The following PLAUR variants were observed in gnomAD, a reference collection of about 807,000 sequenced individuals.
PLAUR encodes the protein plasminogen activator, urokinase receptor.
A neutral mutation model predicts 33.4 loss-of-function variants in PLAUR; 22 were observed. The ratio of observed to expected loss-of-function variants is 0.66; its 90% CI spans 0.47 to 0.94. The LOEUF (loss-of-function observed/expected upper bound fraction) is 0.94, where lower values mean the gene tolerates loss of function less well. PLAUR is among the 40% of genes least tolerant of loss of function. PLAUR has a pLI of 0.00. For missense variants in PLAUR, 408 were observed against 434.7 expected, an observed-to-expected ratio of 0.94 and a Z score of 0.55; for synonymous variants, 148 against 167.3, an observed-to-expected ratio of 0.88 and a Z score of 0.89.
intron 3 of PLAUR, among the ~76,000 whole-genome samples, chr19:43,659,672 G>C (rs1974362015): frequency 6.6e-6 from 1 of 152,144 alleles, no homozygotes; most frequent in South Asian, 2.1e-4. Context: ...TCCCACAACT[G>C]CTCTTTTTCT....
chr19:43,666,114 C>T (rs1362640433), intron 2 of PLAUR, among the ~76,000 whole-genome samples: 2 of 151,170 alleles, frequency 1.3e-5, no homozygotes, highest in African/African-American at 4.9e-5. Context: ...TCTCTGTTGT[C>T]CCAGCTGGGG....
intron 3 of PLAUR, among the ~76,000 whole-genome samples, chr19:43,664,616 G>A (rs1244792411): frequency 6.6e-6 from 1 of 152,314 alleles, no homozygotes; most frequent in East Asian, 1.9e-4. Context: ...AGCCTATTAT[G>A]GACATTTCCT....
chr19:43,665,589 CTCTG>C, intron 2 of PLAUR, 130 bp from the exon 3 acceptor site: 1 of 763,858 alleles, frequency 1.3e-6, no homozygotes, highest in Non-Finnish European at 2.0e-6. Flanking sequence ...TTGAGTCGAA[CTCTG>C]TCTTTTTCTA....
In PLAUR at chr19:43,667,601, G is replaced by C. The variant is rs749759698; in HGVS notation, c.146C>G (p.Thr49Arg). 5.0e-6 allele frequency: 8 copies of C among 1,613,200 alleles called. No homozygotes were observed. Among genetic ancestry groups the C allele is most frequent in the Non-Finnish European group, 5.9e-6 (7 of 1,179,368 alleles). The change falls in exon 2 of 7, where the codon ACG (threonine) becomes AGG (arginine). Residue 49 changes from threonine to arginine, a missense_variant. Transcript: ENST00000340093. ...CALGQDLCRTTIVRLWEEGEE... is the reference protein window; with the variant it reads ...CALGQDLCRTRIVRLWEEGEE... ...CTCACCTTCCCACAAGCGCACGATC[G>C]TGGTCCTGCAGAGGTCCTGTCCCAG...
At chr19:43,650,090 C>A (rs910268741) in intron 6 of PLAUR, among the ~76,000 whole-genome samples, 4 of 150,690 alleles carry the variant, frequency 2.7e-5, no homozygotes, top group Non-Finnish European at 5.9e-5. Context: ...CGGCTCACTG[C>A]AACCTCTGCC....
chr19:43,655,354 T>C (rs1426372704), intron 5 of PLAUR, 85 bp downstream of exon 5: 14 of 1,360,388 alleles, frequency 1.0e-5, no homozygotes, highest in Non-Finnish European at 1.3e-5. Flanking sequence ...GAGGACTTGA[T>C]TGCCAGAGAG....
At chr19:43,652,171 CG>C in intron 6 of PLAUR, 53 bp downstream of exon 6, 1 of 1,593,016 alleles carries the variant, frequency 6.3e-7, no homozygotes, top group Non-Finnish European at 8.6e-7. Context: ...CAATCTCTTG[CG>C]GAACTCTCCA....
chr19:43,667,373 C>G, intron 2 of PLAUR: 2 of 586,752 alleles, frequency 3.4e-6, no homozygotes, highest in East Asian at 2.8e-5. Context: ...TTTACTCCCC[C>G]ACCACAGACA....
At chr19:43,646,566 A>C (rs1467010310), downstream of PLAUR, 2 of 716,670 alleles carry the variant, frequency 2.8e-6, no homozygotes, top group Admixed American at 4.0e-5. Context: ...TCAGAAAGTG[A>C]AAAATGAAAG....
At chr19:43,650,861 C>T (rs1164716422) in intron 6 of PLAUR, among the ~76,000 whole-genome samples, 1 of 151,324 alleles carries the variant, frequency 6.6e-6, no homozygotes, top group Non-Finnish European at 1.5e-5. Flanking sequence ...GGTGAAACCC[C>T]GTCTCTACTA....
Position 43,656,352 on chromosome 19 carries a change from G to A in PLAUR, c.472+127C>T, listed in dbSNP as rs138656436. The A allele has an allele frequency of 3.8e-6, 3 of 780,828 alleles. 1 individual carries two copies. The allele number at this position is 780,828 out of a possible 1,614,324, so 48.4% of individuals were successfully genotyped here. A position where few individuals can be genotyped will look rare whatever the true frequency, so the allele number is the denominator to read the frequency against. On this transcript the variant is annotated intron_variant, in intron 4 of 6. Transcript: ENST00000340093. ...TTGTGGCCCTGGACTTCCTATCACTGGACCTCTTGTGTATGAGAGAACTTA... is the reference window on the plus strand; with the variant it reads ...TTGTGGCCCTGGACTTCCTATCACTAGACCTCTTGTGTATGAGAGAACTTA...
intron 5 of PLAUR, among the ~76,000 whole-genome samples, chr19:43,653,674 G>GAAGA (rs1028112675): frequency 2.0e-5 from 3 of 149,996 alleles, no homozygotes; most frequent in African/African-American, 7.4e-5. Context: ...AGAAAGAAAG[G>GAAGA]AAGAAAGAAA....
intron 6 of PLAUR, among the ~76,000 whole-genome samples, chr19:43,650,365 G>T (rs1973948801): frequency 1.3e-5 from 2 of 148,936 alleles, no homozygotes; most frequent in South Asian, 2.1e-4. Flanking sequence ...TCGCTCTGTT[G>T]CCCAGGCCGC....
intron 3 of PLAUR, among the ~76,000 whole-genome samples, chr19:43,657,421 G>C (rs4251869): frequency 0.067 from 10,180 of 152,204 alleles, 417 homozygotes; most frequent in Middle Eastern, 0.19. Context: ...ACTACACCCT[G>C]AGACTCTGCT....
At chr19:43,662,639 G>C (rs1600137205) in intron 3 of PLAUR, among the ~76,000 whole-genome samples, 1 of 151,762 alleles carries the variant, frequency 6.6e-6, no homozygotes, top group East Asian at 1.9e-4. Context: ...TCGCCCCACT[G>C]TACTGTTTCC....
At chr19:43,657,749 C>G (rs1974272850) in intron 3 of PLAUR, among the ~76,000 whole-genome samples, 1 of 152,226 alleles carries the variant, frequency 6.6e-6, no homozygotes, top group Non-Finnish European at 1.5e-5. Flanking sequence ...TGTCCCAACA[C>G]CACCTGGCAC....
rs1347446555 is a variant in PLAUR, at chr19:43,648,849, G to T, written c.*41C>A. 4 of 1,584,430 alleles carry T rather than the reference G, an allele frequency of 2.5e-6. No homozygotes were observed. The highest frequency in any genetic ancestry group is 3.4e-6 in the Non-Finnish European group (4 of 1,159,654). On this transcript the variant is annotated 3_prime_UTR_variant, in exon 7 of 7. Transcript: ENST00000340093. ...TGGGAGCCGAGGGAAGGGCAAAGGG[G>T]TCCCCCGGATCCAGCCAGGGCAGAG...
chr19:43,658,332 C>T (rs1348031190), intron 3 of PLAUR, among the ~76,000 whole-genome samples: 1 of 152,030 alleles, frequency 6.6e-6, no homozygotes, highest in Non-Finnish European at 1.5e-5. Context: ...CCCCAGCTGA[C>T]ATCTCGACTG....
chr19:43,663,392 T>C (rs1280520292), intron 3 of PLAUR, among the ~76,000 whole-genome samples: 1 of 151,316 alleles, frequency 6.6e-6, no homozygotes, highest in Non-Finnish European at 1.5e-5. Context: ...GGCACAAGGC[T>C]GTCTTGGTCC....
Sources: gnomAD v4.1 joint callset for allele counts (sites outside exome capture counted in the v4.1 genomes callset) on GRCh38, gnomAD v4.1.1 for gene constraint, MANE v1.5 for transcripts, NCBI Gene and HGNC (gene_info 2026-07-23, HGNC 2026-07-21) for gene names.